RUSC2: variants seen among roughly 807,000 people sequenced by gnomAD.
The protein encoded by RUSC2 is RUN and SH3 domain containing 2.
In RUSC2, 34 loss-of-function variants were observed where a neutral mutation model predicts 122.2. The ratio of observed to expected loss-of-function variants is 0.28; its 90% confidence interval spans 0.21 to 0.37. The LOEUF is 0.37. RUSC2 is among the 10% of genes least tolerant of loss of function. The pLI is 1.00. For missense variants in RUSC2, 1,747 were observed against 1,952.4 expected (o/e 0.89, Z 1.98); for synonymous variants, 784 against 790.0 (o/e 0.99, Z 0.13).
At chr9:35,497,087 C>T (rs535119134) in intron 1 of RUSC2, among the ~76,000 whole-genome samples, 38 of 152,264 alleles carry the variant, frequency 2.5e-4, no homozygotes, top group African/African-American at 5.5e-4. Flanking sequence ...TAAAGTTTGA[C>T]GATCTGCACC....
intron 1 of RUSC2, among the ~76,000 whole-genome samples, chr9:35,535,992 A>G (rs1278878942): frequency 2.6e-5 from 4 of 152,244 alleles, no homozygotes; most frequent in Admixed American, 6.5e-5. Flanking sequence ...TGTACAGATG[A>G]CTATAACTCC....
chr9:35,526,881 C>T (rs1299111461), intron 1 of RUSC2, among the ~76,000 whole-genome samples: 1 of 152,174 alleles, frequency 6.6e-6, no homozygotes, highest in Non-Finnish European at 1.5e-5. Context: ...TCCATGGATT[C>T]TTGTTTTCTA....
In RUSC2 at chr9:35,546,927, A is replaced by T; in HGVS notation, c.406A>T (p.Thr136Ser). ...ATQQSFHLHG[T>S]GQPNFHLSSF... ...CCAGCAGTCCTTCCACCTGCATGGC[A>T]CTGGCCAGCCCAACTTTCATCTATC... Residue 136 changes from threonine to serine, a missense_variant, in exon 2 of 12, where the codon ACT (threonine) becomes TCT (serine). Physicochemically the swap from Thr to Ser is moderately conservative, Grantham distance 58 (BLOSUM62 1). Transcript: ENST00000361226. This position sits in a 1 kb window ranked among gnomAD's most constrained non-coding sequence, Gnocchi z 4.3. 6.3e-7 allele frequency: 1 copy of T among 1,575,476 alleles called. No individual in the cohort carries two copies.
intron 1 of RUSC2, among the ~76,000 whole-genome samples, chr9:35,506,781 A>G (rs753481803): frequency 6.6e-6 from 1 of 152,186 alleles, no homozygotes; most frequent in Non-Finnish European, 1.5e-5. Context: ...AACATGATCT[A>G]AAGCATCTAA....
At chr9:35,519,367 C>T (rs1821168026) in intron 1 of RUSC2, among the ~76,000 whole-genome samples, 1 of 152,188 alleles carries the variant, frequency 6.6e-6, no homozygotes, top group Non-Finnish European at 1.5e-5. Context: ...CAAAACCTAT[C>T]CTGCCAACTT....
chr9:35,523,515 A>G (rs1430338263), intron 1 of RUSC2, among the ~76,000 whole-genome samples: 2 of 151,282 alleles, frequency 1.3e-5, no homozygotes, highest in African/African-American at 4.9e-5. Flanking sequence ...CTTCACAATG[A>G]AAAAAAAAGC....
intron 1 of RUSC2, among the ~76,000 whole-genome samples, chr9:35,491,856 C>T (rs767558921): frequency 2.6e-5 from 4 of 151,726 alleles, no homozygotes; most frequent in African/African-American, 9.7e-5. Flanking sequence ...GGCTGAAGTC[C>T]CAGCAACTCA....
chr9:35,531,720 CAT>C (rs1026869501), intron 1 of RUSC2, among the ~76,000 whole-genome samples: 1 of 152,084 alleles, frequency 6.6e-6, no homozygotes, highest in Admixed American at 6.6e-5. Context: ...GTAGCGGAAA[CAT>C]AGTAAAAACA....
At chr9:35,513,181 A>G (rs968522402) in intron 1 of RUSC2, among the ~76,000 whole-genome samples, 1 of 148,746 alleles carries the variant, frequency 6.7e-6, no homozygotes, top group Admixed American at 6.8e-5. Flanking sequence ...CTTGAGAATT[A>G]TACTTTGTTT....
intron 1 of RUSC2, among the ~76,000 whole-genome samples, chr9:35,525,351 T>C (rs930816467): frequency 1.3e-5 from 2 of 152,200 alleles, no homozygotes; most frequent in Non-Finnish European, 2.9e-5. Context: ...TCGAATGCAG[T>C]TCCACTCAAA....
intron 1 of RUSC2, among the ~76,000 whole-genome samples, chr9:35,523,632 T>C (rs1821261245): frequency 6.6e-6 from 1 of 151,340 alleles, no homozygotes; most frequent in Non-Finnish European, 1.5e-5. Flanking sequence ...CTGGGCAACA[T>C]GGTGAAACCT....
Position 35,495,046 on chromosome 9 carries a change from T to A in RUSC2, c.-93+4874T>A, listed in dbSNP as rs1230587429. ...TTTATATATTATATATACTATAGTA[T>A]ATATAATATATACTATAGTATATAT... On this transcript the variant is annotated intron_variant, in intron 1 of 11. Transcript: ENST00000361226. 3.4e-5 allele frequency among the ~76,000 whole-genome samples: 2 copies of A among 58,428 alleles called. 1 individual carries two copies. Among genetic ancestry groups the A allele is most frequent in the East Asian group, 8.5e-4 (2 of 2,362 alleles). 38.3% of individuals were successfully genotyped at this position (58,428 alleles called of 152,430 possible).
chr9:35,555,946 T>C lies in RUSC2; in HGVS notation c.2657-6T>C. 1 of 1,613,644 alleles carries C rather than the reference T, an allele frequency of 6.2e-7. No individual in the cohort carries two copies. The highest frequency in any genetic ancestry group is 8.5e-7 in the Non-Finnish European group (1 of 1,179,662). On this transcript the variant is annotated splice_region_variant and splice_polypyrimidine_tract_variant and intron_variant, in intron 3 of 11. Coordinates refer to ENST00000361226, the MANE Select transcript of RUSC2 (RefSeq NM_014806.5). This position sits in a 1 kb window ranked among gnomAD's most constrained non-coding sequence, Gnocchi z 4.6. ...TTGTCTTTCTGCTAATCTGTTCTGC[T>C]TCCAGCCAACCACCTATCCCCTCAA...
intron 1 of RUSC2, among the ~76,000 whole-genome samples, chr9:35,509,725 G>T (rs1213942118): frequency 1.3e-5 from 2 of 152,176 alleles, no homozygotes; most frequent in Non-Finnish European, 1.5e-5. Context: ...AGGGATTCAG[G>T]TTAAAGAAAA....
Position 35,561,295 on chromosome 9 carries a change from C to T in RUSC2, c.4464C>T (p.Ser1488=). 6.2e-7 allele frequency: 1 copy of T among 1,614,116 alleles called. No individual in the cohort carries two copies. Among genetic ancestry groups the T allele is most frequent in the Non-Finnish European group, 8.5e-7 (1 of 1,180,012 alleles). ...GRAGGDWLRC[S]RGPDSGLVPL... ...CTGGAGGAGACTGGCTGCGCTGCAGCCGTGGCCCCGACTCTGGCCTGGTGC... is the reference window on the plus strand; with the variant it reads ...CTGGAGGAGACTGGCTGCGCTGCAGTCGTGGCCCCGACTCTGGCCTGGTGC... Residue 1488 remains serine (S), a synonymous_variant, in exon 12 of 12, where the codon AGC becomes AGT. Coordinates refer to ENST00000361226, the MANE Select transcript of RUSC2 (RefSeq NM_014806.5).
rs547944604 is a variant in RUSC2, at chr9:35,526,767, C to G, written c.-92-19663C>G. Among the ~76,000 whole-genome samples, 33 of 152,218 alleles carry G rather than the reference C, an allele frequency of 2.2e-4. 1 individual carries two copies. In the South Asian group the frequency reaches 3.1e-3, roughly 14 times the overall value. Reference sequence around the variant, plus strand: ...GCAGCCTGGGCAAAAGAGAGAGACCCTGTCTCAAAACAAAATAAAAGCCAC... The same window carrying G: ...GCAGCCTGGGCAAAAGAGAGAGACCGTGTCTCAAAACAAAATAAAAGCCAC... On this transcript the variant is annotated intron_variant, in intron 1 of 11. Transcript: ENST00000361226.
At chr9:35,556,876 C>T (rs1476964260) in intron 5 of RUSC2, among the ~76,000 whole-genome samples, 2 of 152,180 alleles carry the variant, frequency 1.3e-5, no homozygotes, top group Admixed American at 6.5e-5. Context: ...GGTGTTGGAG[C>T]ACACAGGCTC....
chr9:35,550,138 G>A (rs147607389), intron 2 of RUSC2, among the ~76,000 whole-genome samples: 1 of 151,676 alleles, frequency 6.6e-6, no homozygotes, highest in Non-Finnish European at 1.5e-5. Flanking sequence ...CTTGAATCTG[G>A]GATGGAGATT....
chr9:35,553,533 T>G (rs185831340), intron 2 of RUSC2, among the ~76,000 whole-genome samples: 2 of 152,170 alleles, frequency 1.3e-5, no homozygotes, highest in Non-Finnish European at 2.9e-5. Flanking sequence ...AACAGGGTAA[T>G]GGGATAGAGA....
Sources: gnomAD v4.1 joint callset for allele counts (sites outside exome capture counted in the v4.1 genomes callset) on GRCh38, gnomAD v4.1.1 for gene constraint, Gnocchi (gnomAD v3.1) non-coding constraint, MANE v1.5 for transcripts, NCBI Gene and HGNC (gene_info 2026-07-23, HGNC 2026-07-21) for gene names.